Variants in MAK observed in about 807,000 individuals in gnomAD.
MAK encodes serine/threonine-protein kinase MAK.
MAK carries 65 observed loss-of-function variants against 82.6 expected under a neutral mutation model. That is an observed-to-expected ratio of 0.79 (90% CI 0.64 to 0.97). The LOEUF (loss-of-function observed/expected upper bound fraction) is 0.97, where lower values mean the gene tolerates loss of function less well. MAK is among the 50% of genes least tolerant of loss of function. The probability of loss-of-function intolerance (pLI) is 0.00; values close to 1 mark genes in which losing one functional copy is unlikely to be tolerated. For missense variants in MAK, 703 were observed against 780.2 expected (o/e 0.90, Z 1.18); for synonymous variants, 250 against 274.2 (o/e 0.91, Z 0.87).
At chr6:10,778,702 TGTGTGCC>T (rs1773679731) in intron 11 of MAK, among the ~76,000 whole-genome samples, 1 of 151,996 alleles carries the variant, frequency 6.6e-6, no homozygotes, top group South Asian at 2.1e-4. Flanking sequence ...CACAGGATTT[TGTGTGCC>T]GTGTTAAGAA....
At chr6:10,797,646 G>A in intron 8 of MAK, 1 of 985,438 alleles carries the variant, frequency 1.0e-6, no homozygotes, top group African/African-American at 1.7e-5. Context: ...TTTTTGGGGG[G>A]ATGGGTTCCT....
chr6:10,837,787 T>G (rs1255406585), intron 1 of MAK, among the ~76,000 whole-genome samples: 2 of 152,168 alleles, frequency 1.3e-5, no homozygotes, highest in Admixed American at 6.5e-5. Context: ...AACGGATTAC[T>G]TGCAGAAAAG....
intron 2 of MAK, among the ~76,000 whole-genome samples, chr6:10,820,992 A>G (rs1777899337): frequency 6.6e-6 from 1 of 152,118 alleles, no homozygotes; most frequent in Non-Finnish European, 1.5e-5. Flanking sequence ...TCTGTCACCC[A>G]GACTGGAGTG....
intron 2 of MAK, among the ~76,000 whole-genome samples, chr6:10,823,788 C>A (rs558165997): frequency 8.5e-4 from 130 of 152,136 alleles, no homozygotes; most frequent in Non-Finnish European, 1.6e-3. Context: ...ACTTGGCCTC[C>A]CAAAGTGCTG....
In MAK at chr6:10,775,315, A is replaced by T. The variant is rs1773369108; in HGVS notation, c.1597+13T>A. The T allele has an allele frequency of 6.2e-7, 1 of 1,612,124 alleles. No homozygotes were observed. Among genetic ancestry groups the T allele is most frequent in the Non-Finnish European group, 8.5e-7 (1 of 1,178,730 alleles). Reference sequence around the variant, plus strand: ...AAAACCCCGTACATGTACATTTTGTATTCTTGCGTTACCTGCATTGCTCCT... The same window carrying T: ...AAAACCCCGTACATGTACATTTTGTTTTCTTGCGTTACCTGCATTGCTCCT... On this transcript the variant is annotated intron_variant, in intron 12 of 14. Transcript: ENST00000354489.
chr6:10,781,098 C>A (rs563930065), intron 11 of MAK, among the ~76,000 whole-genome samples: 1 of 152,152 alleles, frequency 6.6e-6, no homozygotes, highest in Admixed American at 6.5e-5. Flanking sequence ...CTCCTCTACA[C>A]GCAAACCTGC....
At chr6:10,822,095 T>A (rs1411479430) in intron 2 of MAK, among the ~76,000 whole-genome samples, 4 of 128,780 alleles carry the variant, frequency 3.1e-5, no homozygotes, top group Admixed American at 9.3e-5. Context: ...TGCAGTGAGC[T>A]GAGATCGCAC....
intron 10 of MAK, 41 bp from the exon 11 acceptor site, chr6:10,784,613 G>A (rs764810785): frequency 9.4e-6 from 12 of 1,282,156 alleles, no homozygotes; most frequent in South Asian, 4.4e-5. Flanking sequence ...CACGAACAAC[G>A]AGAGGATCTC....
At chr6:10,811,543 T>C (rs1776933229) in intron 5 of MAK, among the ~76,000 whole-genome samples, 1 of 152,228 alleles carries the variant, frequency 6.6e-6, no homozygotes, top group Admixed American at 6.5e-5. Flanking sequence ...ACAGCATAAA[T>C]CAACCCAGGC....
intron 1 of MAK, among the ~76,000 whole-genome samples, chr6:10,836,463 T>TA (rs1779155697): frequency 6.6e-6 from 1 of 152,190 alleles, no homozygotes; most frequent in Non-Finnish European, 1.5e-5. Context: ...GTAAAGCTTT[T>TA]AAAAAATCAT....
intron 3 of MAK, 59 bp downstream of exon 3, chr6:10,818,827 C>T (rs1235678370): frequency 6.7e-6 from 6 of 889,632 alleles, no homozygotes; most frequent in African/African-American, 1.6e-5. Context: ...ATCATCTTAA[C>T]TACGGTCCTC....
chr6:10,837,021 A>G lies in MAK; in HGVS notation c.-230+1482T>C, dbSNP rs10484888. ...TACTCTCAACAGCTTTTGCCAGCTA[A>G]TAAGAGATTCAGATAGGATTAAAGA... On this transcript the variant is annotated intron_variant, in intron 1 of 14. Transcript: ENST00000354489. Among the ~76,000 whole-genome samples the G allele has an allele frequency of 3.9e-5, 6 of 152,320 alleles. No homozygotes were observed. The East Asian group carries it at 9.6e-4, about 24-fold the overall frequency.
intron 1 of MAK, among the ~76,000 whole-genome samples, chr6:10,835,955 T>C (rs564210892): frequency 1.2e-4 from 18 of 152,296 alleles, no homozygotes; most frequent in East Asian, 3.9e-4. Flanking sequence ...ATCAGCACAA[T>C]AGAGCATTCA....
chr6:10,775,589 T>G, intron 11 of MAK, 130 bp from the exon 12 acceptor site: 3 of 1,027,968 alleles, frequency 2.9e-6, no homozygotes, highest in African/African-American at 1.6e-5. Context: ...TAGGTGAAAA[T>G]GTAGCAGATA....
chr6:10,764,500 T>C lies in MAK; in HGVS notation c.1899A>G (p.Ser633=). 6.2e-7 allele frequency: 1 copy of C among 1,613,732 alleles called. No homozygotes were observed. The part of the protein sequence containing the change: ...NIVNRAQPIP[S]VHGRTDWVAK... ...CCACCCAGTCTGTCCTCCCATGCAC[T>C]GAGGGAATGGGCTGTGCACGGTTCA... The change falls in exon 15 of 15, where the codon TCA becomes TCG. Residue 633 remains serine, a synonymous_variant. Coordinates refer to ENST00000354489, the MANE Select transcript of MAK (RefSeq NM_001242957.3).
intron 1 of MAK, among the ~76,000 whole-genome samples, chr6:10,833,575 C>T (rs1011003363): frequency 4.6e-5 from 7 of 151,556 alleles, no homozygotes; most frequent in African/African-American, 1.7e-4. Flanking sequence ...ACTGCACTCC[C>T]ACCTGGGCAA....
In MAK at chr6:10,830,802, C is replaced by A. The variant is rs1470667539; in HGVS notation, c.-154G>T. On this transcript the variant is annotated 5_prime_UTR_variant, in exon 2 of 15. Transcript: ENST00000354489. ...TCATCATTAAATATAGTCTCTCCCCCAAGATTACAGAGGTTCATGAGATAT... is the reference window on the plus strand; with the variant it reads ...TCATCATTAAATATAGTCTCTCCCCAAAGATTACAGAGGTTCATGAGATAT... The A allele has an allele frequency of 1.2e-5, 8 of 691,754 alleles. No homozygotes were observed. Among genetic ancestry groups the A allele is most frequent in the Non-Finnish European group, 1.8e-5 (7 of 378,628 alleles). The allele number at this position is 691,754 out of a possible 1,614,324, so 42.9% of individuals were successfully genotyped here.
At chr6:10,821,957 G>C (rs928891325) in intron 2 of MAK, among the ~76,000 whole-genome samples, 58 of 150,002 alleles carry the variant, frequency 3.9e-4, no homozygotes, top group African/African-American at 1.3e-3. Context: ...ACCCTCCTGG[G>C]TAACAGGGTG....
chr6:10,775,025 C>A (rs141889586), intron 12 of MAK, among the ~76,000 whole-genome samples: 1 of 152,284 alleles, frequency 6.6e-6, no homozygotes, highest in East Asian at 1.9e-4. Context: ...ACCATGTTGG[C>A]CAGGTTGATC....
Sources: allele counts gnomAD v4.1 joint callset (sites outside exome capture counted in the v4.1 genomes callset), GRCh38; gene constraint gnomAD v4.1.1; transcripts MANE v1.5; gene names NCBI Gene and HGNC (gene_info 2026-07-23, HGNC 2026-07-21).